DNASE1: variants seen among roughly 807,000 people sequenced by gnomAD.
DNASE1 encodes deoxyribonuclease-1.
A neutral mutation model predicts 33.9 loss-of-function variants in DNASE1; 40 were observed. That is an observed-to-expected ratio of 1.18 (90% CI 0.92 to 1.54). The LOEUF is 1.54. Ranked by LOEUF, DNASE1 falls within the 40% of genes most tolerant of loss-of-function variation. The pLI is 0.00. For synonymous variants in DNASE1, 216 were observed against 160.0 expected (o/e 1.35, Z -2.64); for missense variants, 518 against 372.6 (o/e 1.39, Z -3.21).
intron 1 of DNASE1, among the ~76,000 whole-genome samples, chr16:3,619,902 A>T (rs1211884090): frequency 1.3e-5 from 2 of 151,300 alleles, no homozygotes; most frequent in Non-Finnish European, 1.5e-5. Flanking sequence ...ACGAAAATTC[A>T]TATGTATGGC....
intron 1 of DNASE1, among the ~76,000 whole-genome samples, chr16:3,637,705 C>G (rs988908431): frequency 2.6e-5 from 4 of 152,184 alleles, no homozygotes; most frequent in Admixed American, 1.3e-4. Context: ...TGCTTTCCCC[C>G]TCCCCCGCCA....
Position 3,655,739 on chromosome 16 carries a change from G to C in DNASE1, c.148-110G>C. 4.1e-6 allele frequency: 6 copies of C among 1,462,920 alleles called. No individual in the cohort carries two copies. In the Admixed American group the frequency reaches 1.0e-4, roughly 25 times the overall value. 90.6% of individuals were successfully genotyped at this position (1,462,920 alleles called of 1,614,324 possible). A position where few individuals can be genotyped will look rare whatever the true frequency, so the allele number is the denominator to read the frequency against. On this transcript the variant is annotated intron_variant, in intron 2 of 8. Coordinates refer to ENST00000246949, the MANE Select transcript of DNASE1 (RefSeq NM_005223.4). ...GGAGCCCAGGCAGAAACATGAGGCT[G>C]CGGTTAAACCGAGCAATGCCACGAG... is the stretch of plus-strand genomic sequence containing the variant.
Position 3,656,097 on chromosome 16 carries a change from T to C in DNASE1, c.237-5T>C. The C allele has an allele frequency of 6.2e-7, 1 of 1,613,998 alleles. No homozygotes were observed. Among genetic ancestry groups the C allele is most frequent in the Non-Finnish European group, 8.5e-7 (1 of 1,179,978 alleles). ...CCACTGGGACCTTTTGTTTCTTCAA[T>C]CCAGGGATGCACCAGACACCTATCA... On this transcript the variant is annotated splice_polypyrimidine_tract_variant and splice_region_variant and intron_variant, in intron 3 of 8. Transcript: ENST00000246949.
chr16:3,622,024 C>T (rs1253609944), intron 1 of DNASE1, among the ~76,000 whole-genome samples: 1 of 152,080 alleles, frequency 6.6e-6, no homozygotes, highest in Non-Finnish European at 1.5e-5. Flanking sequence ...AGTTTAAGAA[C>T]AGCGTGGCCA....
At chr16:3,633,276 C>G (rs1388471560) in intron 1 of DNASE1, among the ~76,000 whole-genome samples, 2 of 152,202 alleles carry the variant, frequency 1.3e-5, no homozygotes, top group African/African-American at 4.8e-5. Flanking sequence ...ATTTTTTCCT[C>G]TCTTAGCATG....
chr16:3,618,652 C>T (rs1184014063), intron 1 of DNASE1, among the ~76,000 whole-genome samples: 1 of 152,144 alleles, frequency 6.6e-6, no homozygotes, highest in Admixed American at 6.5e-5. Context: ...TCACTTGAAC[C>T]TGGGAGGCAG....
At chr16:3,649,109 A>T (rs1479075859) in intron 1 of DNASE1, among the ~76,000 whole-genome samples, 1 of 152,104 alleles carries the variant, frequency 6.6e-6, no homozygotes. Flanking sequence ...TTTGGCAAGA[A>T]CTCTCCTAAG....
At chr16:3,626,454 T>A (rs1800586048) in intron 1 of DNASE1, among the ~76,000 whole-genome samples, 1 of 152,250 alleles carries the variant, frequency 6.6e-6, no homozygotes, top group African/African-American at 2.4e-5. Context: ...ATTTTTCTGT[T>A]ACTGGTTTCT....
At chr16:3,659,933 A>AGAGAT (rs1213994987), downstream of DNASE1, 3 of 152,102 alleles carry the variant, frequency 2.0e-5, no homozygotes, top group African/African-American at 4.8e-5. Context: ...TATTTTTAGT[A>AGAGAT]GAGATGAGGT....
At chr16:3,619,685 T>A (rs1010206777) in intron 1 of DNASE1, among the ~76,000 whole-genome samples, 110 of 150,626 alleles carry the variant, frequency 7.3e-4, no homozygotes, top group Non-Finnish European at 8.1e-4. Context: ...AAAAAAAAAA[T>A]TTTTTTTGTA....
chr16:3,623,764 C>A (rs766377073), intron 1 of DNASE1, among the ~76,000 whole-genome samples: 3 of 151,930 alleles, frequency 2.0e-5, no homozygotes, highest in Non-Finnish European at 4.4e-5. Flanking sequence ...AGAACACATA[C>A]TTCTCAAGTG....
Position 3,631,470 on chromosome 16 carries a change from G to A in DNASE1, c.-1358-9245G>A, listed in dbSNP as rs563822221. ...TCCACCTGCCTCGGCCTCCCAAAGT[G>A]CTGAGATTACAGGTGTGAGCCACTG... On this transcript the variant is annotated intron_variant and NMD_transcript_variant, in intron 1 of 11. Transcript: ENST00000570769. 3.7e-4 allele frequency among the ~76,000 whole-genome samples: 56 copies of A among 152,144 alleles called. 2 individuals carry two copies. Among genetic ancestry groups the A allele is most frequent in the South Asian group, 2.1e-3 (10 of 4,824 alleles).
exon 10 of DNASE1, chr16:3,664,539 C>A (rs969877809): frequency 2.8e-6 from 4 of 1,448,698 alleles, no homozygotes; most frequent in Non-Finnish European, 2.8e-6. Flanking sequence ...GCAAACCCTC[C>A]GATGCCCATG....
upstream of DNASE1, chr16:3,650,813 C>G (rs1205806791): frequency 6.6e-6 from 1 of 152,136 alleles, no homozygotes; most frequent in Non-Finnish European, 1.5e-5. Context: ...TGGTAGAACA[C>G]CGCCACCCTC....
chr16:3,656,048 C>T, intron 3 of DNASE1, 54 bp from the exon 4 acceptor site: 1 of 1,611,316 alleles, frequency 6.2e-7, no homozygotes, highest in Non-Finnish European at 8.5e-7. Flanking sequence ...TATCGGCAGC[C>T]AGAGGGGTCC....
intron 1 of DNASE1, among the ~76,000 whole-genome samples, chr16:3,619,191 C>A (rs191633616): frequency 6.3e-4 from 96 of 152,112 alleles, no homozygotes; most frequent in Admixed American, 1.6e-3. Context: ...TGTAAAACCA[C>A]ACCTGGCTAA....
intron 1 of DNASE1, among the ~76,000 whole-genome samples, chr16:3,627,065 A>G (rs2041535787): frequency 6.7e-6 from 1 of 150,304 alleles, no homozygotes. Flanking sequence ...TGGTAGAGAC[A>G]GGGTCTCCCT....
At chr16:3,622,590 T>C (rs932973946) in intron 1 of DNASE1, among the ~76,000 whole-genome samples, 1 of 152,170 alleles carries the variant, frequency 6.6e-6, no homozygotes, top group Non-Finnish European at 1.5e-5. Context: ...CAGATAGTTT[T>C]TACCAGTTTT....
chr16:3,622,593 C>A (rs1434909117), intron 1 of DNASE1, among the ~76,000 whole-genome samples: 1 of 152,066 alleles, frequency 6.6e-6, no homozygotes, highest in Non-Finnish European at 1.5e-5. Context: ...ATAGTTTTTA[C>A]CAGTTTTTAT....
Sources: allele counts gnomAD v4.1 joint callset (sites outside exome capture counted in the v4.1 genomes callset), GRCh38; gene constraint gnomAD v4.1.1; transcripts MANE v1.5; gene names NCBI Gene and HGNC (gene_info 2026-07-23, HGNC 2026-07-21).